The following COLEC10 variants were observed in gnomAD, a reference collection of about 807,000 sequenced individuals.
The protein encoded by COLEC10 is collectin subfamily member 10.
COLEC10 carries 22 observed loss-of-function variants against 28.4 expected under a neutral mutation model. That is an observed-to-expected ratio of 0.78 (90% confidence interval 0.55 to 1.11). The LOEUF (loss-of-function observed/expected upper bound fraction) is 1.11, where lower values mean the gene tolerates loss of function less well. Among genes scored for constraint, COLEC10 ranks in the 50% least tolerant of loss-of-function variants. COLEC10 has a pLI of 0.00. For synonymous variants in COLEC10, 125 were observed against 116.1 expected (o/e 1.08, Z -0.49); for missense variants, 361 against 344.1 (o/e 1.05, Z -0.39).
At chr8:119,075,415 T>A (rs1293828482) in intron 1 of COLEC10, among the ~76,000 whole-genome samples, 1 of 152,214 alleles carries the variant, frequency 6.6e-6, no homozygotes, top group African/African-American at 2.4e-5. Context: ...AGAAAAGAAT[T>A]GTACATATAC....
intron 1 of COLEC10, among the ~76,000 whole-genome samples, chr8:119,081,488 G>T (rs973586692): frequency 6.6e-6 from 1 of 151,632 alleles, no homozygotes. Flanking sequence ...ATATCTCTTT[G>T]AATTTCTCAT....
intron 1 of COLEC10, among the ~76,000 whole-genome samples, chr8:118,999,101 G>A (rs2130057625): frequency 6.6e-6 from 1 of 151,958 alleles, no homozygotes; most frequent in African/African-American, 2.4e-5. Context: ...AGATATGCAA[G>A]GTATAGCTAA....
At chr8:119,056,102 C>CT (rs1427220294) in intron 2 of COLEC10, among the ~76,000 whole-genome samples, 6 of 152,038 alleles carry the variant, frequency 3.9e-5, no homozygotes. Context: ...ATTTCTTCCT[C>CT]TTCTTTACCC....
At chr8:119,082,905 C>A (rs1198861051) in intron 1 of COLEC10, among the ~76,000 whole-genome samples, 1 of 152,088 alleles carries the variant, frequency 6.6e-6, no homozygotes, top group Non-Finnish European at 1.5e-5. Flanking sequence ...TAGGTGTTTC[C>A]TCCTTTGTGC....
intron 5 of COLEC10, among the ~76,000 whole-genome samples, chr8:119,104,970 T>G (rs1157331395): frequency 3.9e-5 from 6 of 152,088 alleles, no homozygotes; most frequent in Admixed American, 3.9e-4. Flanking sequence ...GAGAGAAGGG[T>G]GATTCTCAGT....
chr8:118,998,115 A>G (rs1364006834), intron 1 of COLEC10, among the ~76,000 whole-genome samples: 1 of 152,188 alleles, frequency 6.6e-6, no homozygotes, highest in African/African-American at 2.4e-5. Context: ...TCTATAAAAT[A>G]AAAATTATAT....
chr8:119,098,742 A>C (rs182188084), intron 3 of COLEC10, among the ~76,000 whole-genome samples: 1 of 152,160 alleles, frequency 6.6e-6, no homozygotes, highest in Non-Finnish European at 1.5e-5. Flanking sequence ...CTTTTCCTTA[A>C]TATCAATTTC....
chr8:119,037,411 A>AT (rs140286563), intron 2 of COLEC10, among the ~76,000 whole-genome samples: 39 of 150,502 alleles, frequency 2.6e-4, no homozygotes, highest in Middle Eastern at 3.4e-3. Flanking sequence ...TAAACTTGAT[A>AT]TTTTTTTTTT....
chr8:118,966,937 C>A, the COLEC10 span, among the ~76,000 whole-genome samples: 1 of 152,072 alleles, frequency 6.6e-6, no homozygotes, highest in Admixed American at 6.6e-5. Flanking sequence ...ATCAGTCTTT[C>A]CTCCTGGACT....
At chr8:118,970,193 G>T in the COLEC10 span, among the ~76,000 whole-genome samples, 2 of 152,044 alleles carry the variant, frequency 1.3e-5, no homozygotes, top group South Asian at 4.1e-4. Context: ...GATGGCAGAT[G>T]TATCTTGAGT....
At chr8:119,086,510 C>T (rs1280001715) in intron 1 of COLEC10, among the ~76,000 whole-genome samples, 1 of 152,130 alleles carries the variant, frequency 6.6e-6, no homozygotes, top group Admixed American at 6.5e-5. Context: ...TTGTTTACTT[C>T]ATCTGTGCCA....
chr8:119,062,038 TAGAG>T (rs911679704), intron 2 of COLEC10, among the ~76,000 whole-genome samples: 1 of 152,142 alleles, frequency 6.6e-6, no homozygotes, highest in African/African-American at 2.4e-5. Flanking sequence ...TTATTAAACC[TAGAG>T]AGAAACAAAA....
intron 2 of COLEC10, among the ~76,000 whole-genome samples, chr8:119,032,502 G>C (rs762863493): frequency 3.9e-5 from 6 of 152,178 alleles, no homozygotes; most frequent in Admixed American, 6.5e-5. Context: ...TACAGGCCAT[G>C]GTTTTGTACT....
At chr8:119,086,454 A>T (rs1815483736) in intron 1 of COLEC10, among the ~76,000 whole-genome samples, 1 of 152,126 alleles carries the variant, frequency 6.6e-6, no homozygotes, top group African/African-American at 2.4e-5. Context: ...AGTAAGTACC[A>T]AAGATCAAAC....
intron 2 of COLEC10, among the ~76,000 whole-genome samples, chr8:119,022,155 T>C (rs566192790): frequency 1.3e-5 from 2 of 152,266 alleles, no homozygotes; most frequent in African/African-American, 4.8e-5. Flanking sequence ...GTCAGGACTG[T>C]TATAGAACTA....
the COLEC10 span, among the ~76,000 whole-genome samples, chr8:118,977,602 G>T: frequency 7.4e-5 from 9 of 121,874 alleles, no homozygotes; most frequent in African/African-American, 2.8e-4. Flanking sequence ...GACTGTTGTG[G>T]GGTGGGGGGA....
At chr8:119,000,896 G>A (rs1813684717) in intron 1 of COLEC10, among the ~76,000 whole-genome samples, 1 of 147,126 alleles carries the variant, frequency 6.8e-6, no homozygotes, top group Admixed American at 6.8e-5. Context: ...AAGACAGTGG[G>A]CCTGATGATA....
At chr8:119,072,376 A>T (rs1361494429) in intron 1 of COLEC10, among the ~76,000 whole-genome samples, 1 of 151,936 alleles carries the variant, frequency 6.6e-6, no homozygotes, top group Non-Finnish European at 1.5e-5. Flanking sequence ...AATTATTTCA[A>T]TGGACTTTGA....
chr8:119,104,806 A>G (rs962027085), intron 5 of COLEC10, among the ~76,000 whole-genome samples: 2 of 152,188 alleles, frequency 1.3e-5, no homozygotes, highest in Non-Finnish European at 2.9e-5. Flanking sequence ...GATATGACTT[A>G]GACTGTCATG....
Sources: allele counts gnomAD v4.1 joint callset (sites outside exome capture counted in the v4.1 genomes callset), GRCh38; gene constraint gnomAD v4.1.1; transcripts MANE v1.5; gene names NCBI Gene and HGNC (gene_info 2026-07-23, HGNC 2026-07-21).